The following STK39 variants were observed in gnomAD, a reference collection of about 807,000 sequenced individuals.
STK39 encodes STE20/SPS1-related proline-alanine-rich protein kinase.
STK39 carries 20 observed loss-of-function variants against 77.8 expected under a neutral mutation model. That is an observed-to-expected ratio of 0.26 (90% CI 0.18 to 0.37). The LOEUF is 0.37. Among genes scored for constraint, STK39 ranks in the 10% least tolerant of loss-of-function variants. The pLI is 1.00. For synonymous variants in STK39, 246 were observed against 234.1 expected (o/e 1.05, Z -0.47); for missense variants, 479 against 656.5 (o/e 0.73, Z 2.95).
intron 10 of STK39, among the ~76,000 whole-genome samples, chr2:168,118,316 C>A (rs975423034): frequency 1.3e-5 from 2 of 152,118 alleles, no homozygotes; most frequent in Admixed American, 1.3e-4. Flanking sequence ...CCTCACAAAT[C>A]TAACTGGATG....
At chr2:168,078,578 T>C (rs1460625552) in intron 10 of STK39, among the ~76,000 whole-genome samples, 2 of 152,170 alleles carry the variant, frequency 1.3e-5, no homozygotes, top group Non-Finnish European at 2.9e-5. Flanking sequence ...AGGAAGGATA[T>C]GAAGAACCAC....
intron 1 of STK39, among the ~76,000 whole-genome samples, chr2:168,188,367 CAG>C (rs1290915163): frequency 1.3e-5 from 2 of 152,178 alleles, no homozygotes; most frequent in Non-Finnish European, 2.9e-5. Context: ...GCAAGACAGT[CAG>C]AATTTTGCAG....
chr2:168,167,726 C>G (rs894118348), intron 2 of STK39, among the ~76,000 whole-genome samples: 1 of 152,148 alleles, frequency 6.6e-6, no homozygotes, highest in Non-Finnish European at 1.5e-5. Context: ...GGACTAAGAG[C>G]CTCATACCTG....
intron 10 of STK39, among the ~76,000 whole-genome samples, chr2:168,088,082 C>A (rs1009715462): frequency 1.3e-5 from 2 of 152,070 alleles, no homozygotes; most frequent in Non-Finnish European, 2.9e-5. Context: ...TGGAAAGACA[C>A]TCAAATGCAC....
chr2:167,979,329 A>C (rs76700266), intron 16 of STK39, among the ~76,000 whole-genome samples: 5,773 of 152,276 alleles, frequency 0.038, 396 homozygotes, highest in African/African-American at 0.13. Context: ...AGAACTTACA[A>C]ACTTGCTAAC....
intron 1 of STK39, among the ~76,000 whole-genome samples, chr2:168,183,690 G>A (rs1689139721): frequency 6.6e-6 from 1 of 152,126 alleles, no homozygotes; most frequent in African/African-American, 2.4e-5. Flanking sequence ...GAGTGCTATG[G>A]ACAGGTTGCT....
intron 10 of STK39, among the ~76,000 whole-genome samples, chr2:168,097,670 G>A (rs970186405): frequency 2.6e-5 from 4 of 151,890 alleles, no homozygotes; most frequent in Admixed American, 1.3e-4. Flanking sequence ...AGGAGTGCAC[G>A]CTTCAGTGAG....
At chr2:168,034,540 ACT>A (rs1046896284) in intron 14 of STK39, among the ~76,000 whole-genome samples, 26 of 152,118 alleles carry the variant, frequency 1.7e-4, no homozygotes, top group African/African-American at 6.3e-4. Context: ...ATTGCTGGTA[ACT>A]CTCTTCCTCT....
chr2:168,109,445 T>C (rs1574471983), intron 10 of STK39, among the ~76,000 whole-genome samples: 1 of 152,228 alleles, frequency 6.6e-6, no homozygotes, highest in Non-Finnish European at 1.5e-5. Flanking sequence ...GATACTCTAA[T>C]GTGTGGATAG....
At chr2:168,233,541 A>G (rs1478935322) in intron 1 of STK39, among the ~76,000 whole-genome samples, 1 of 152,200 alleles carries the variant, frequency 6.6e-6, no homozygotes, top group East Asian at 1.9e-4. Flanking sequence ...AACTGGCTTA[A>G]ATGATGTTTT....
chr2:168,138,195 A>G lies in STK39; in HGVS notation c.867T>C (p.Asp289=), dbSNP rs765813233. The G allele has an allele frequency of 6.2e-7, 1 of 1,613,558 alleles. No homozygotes were observed. Among genetic ancestry groups the G allele is most frequent in the Non-Finnish European group, 8.5e-7 (1 of 1,179,746 alleles). The change falls in exon 8 of 18, where the codon GAT becomes GAC. Residue 289 remains aspartate, a synonymous_variant. Transcript: ENST00000355999. The stretch of plus-strand genomic sequence containing the variant: ...CTACCCCTGTTTCCAAAGTGGGTGG[A>G]TCATTTTGCAAAGTCAACATTAACA... ...MKVLMLTLQN[D]PPTLETGVED...
chr2:168,203,842 C>T (rs577269467), intron 1 of STK39, among the ~76,000 whole-genome samples: 7 of 152,360 alleles, frequency 4.6e-5, no homozygotes, highest in Admixed American at 1.3e-4. Context: ...GATCCACCCA[C>T]CTCGGCCTCC....
At chr2:168,143,362 C>T (rs1045418987) in intron 5 of STK39, among the ~76,000 whole-genome samples, 3 of 152,188 alleles carry the variant, frequency 2.0e-5, no homozygotes, top group Admixed American at 1.3e-4. Context: ...CCCTTCTTTC[C>T]CCAGATCCAG....
At chr2:168,047,671 G>T (rs1193623100) in intron 14 of STK39, among the ~76,000 whole-genome samples, 1 of 152,196 alleles carries the variant, frequency 6.6e-6, no homozygotes, top group Non-Finnish European at 1.5e-5. Context: ...ATGCTCCAAG[G>T]TAAAGGATTA....
intron 1 of STK39, 122 bp from the exon 2 acceptor site, chr2:168,182,212 C>T (rs1358587554): frequency 3.1e-6 from 2 of 644,804 alleles, no homozygotes; most frequent in Middle Eastern, 2.5e-4. Context: ...AGAACATTAC[C>T]ATTTGACATC....
chr2:168,019,048 G>T (rs1323152001), intron 14 of STK39, among the ~76,000 whole-genome samples: 3 of 151,338 alleles, frequency 2.0e-5, no homozygotes, highest in East Asian at 3.9e-4. Flanking sequence ...CTTGAACTTT[G>T]TATCTCCCTT....
At chr2:168,037,412 G>T (rs1287974936) in intron 14 of STK39, among the ~76,000 whole-genome samples, 1 of 152,124 alleles carries the variant, frequency 6.6e-6, no homozygotes, top group Non-Finnish European at 1.5e-5. Flanking sequence ...TTTTAAGAGG[G>T]TTATACCTAC....
intron 1 of STK39, among the ~76,000 whole-genome samples, chr2:168,229,675 G>A (rs763241144): frequency 5.9e-5 from 9 of 152,230 alleles, no homozygotes; most frequent in Non-Finnish European, 8.8e-5. Context: ...CACAGATAAC[G>A]TGTTATTTTT....
Position 168,013,793 on chromosome 2 carries a change from G to GGTGTGTGTGTGT in STK39, c.1430-1103_1430-1092dup, listed in dbSNP as rs4000936. Reference sequence around the variant, plus strand: ...GATGTGGTGACTATGTAAGTGGGCTGGTGTGTGTGTGTGTGTGTGTGTGTG... The same window carrying GGTGTGTGTGTGT: ...GATGTGGTGACTATGTAAGTGGGCTGGTGTGTGTGTGTGTGTGTGTGTGTGTGTGTGTGTGTG... On this transcript the variant is annotated intron_variant, in intron 15 of 17. Transcript: ENST00000355999. Among the ~76,000 whole-genome samples, 113 of 147,754 alleles carry GGTGTGTGTGTGT rather than the reference G, an allele frequency of 7.6e-4. 1 individual carries two copies. The highest frequency in any genetic ancestry group is 2.5e-3 in the African/African-American group (96 of 39,114).
Sources: allele counts gnomAD v4.1 joint callset (sites outside exome capture counted in the v4.1 genomes callset), GRCh38; gene constraint gnomAD v4.1.1; transcripts MANE v1.5; gene names NCBI Gene and HGNC (gene_info 2026-07-23, HGNC 2026-07-21).